Variants in GRXCR2 observed in about 807,000 individuals in gnomAD.
GRXCR2 encodes the protein glutaredoxin domain-containing cysteine-rich protein 2.
A neutral mutation model predicts 24.8 loss-of-function variants in GRXCR2; 23 were observed. That is an observed-to-expected ratio of 0.93 (90% CI 0.67 to 1.32). The LOEUF (loss-of-function observed/expected upper bound fraction) is 1.32, where lower values mean the gene tolerates loss of function less well. Among genes scored for constraint, GRXCR2 ranks in the 40% most tolerant of loss-of-function variants. The pLI, the probability that GRXCR2 is intolerant of heterozygous loss-of-function variation, is 0.00. For missense variants in GRXCR2, 315 were observed against 303.4 expected, an observed-to-expected ratio of 1.04 and a Z score of -0.28; for synonymous variants, 130 against 116.1, an observed-to-expected ratio of 1.12 and a Z score of -0.77.
chr5:145,881,791 A>C (rs1474505228), intron 2 of GRXCR2, among the ~76,000 whole-genome samples: 1 of 152,224 alleles, frequency 6.6e-6, no homozygotes, highest in Non-Finnish European at 1.5e-5. Context: ...TGCAGTAACC[A>C]AAACAGCATG....
At chr5:145,882,878 T>C (rs956700995) in intron 2 of GRXCR2, among the ~76,000 whole-genome samples, 1 of 152,020 alleles carries the variant, frequency 6.6e-6, no homozygotes, top group African/African-American at 2.4e-5. Context: ...TGCAGGGACA[T>C]GGATGAAGCT....
chr5:145,927,721 T>C (rs979373508), intron 2 of GRXCR2, among the ~76,000 whole-genome samples: 4 of 152,184 alleles, frequency 2.6e-5, no homozygotes, highest in Admixed American at 2.6e-4. Flanking sequence ...CAGGCTTTGG[T>C]ATCAGGATGA....
At chr5:145,903,292 A>T (rs116033274) in intron 2 of GRXCR2, among the ~76,000 whole-genome samples, 2,182 of 152,292 alleles carry the variant, frequency 0.014, 55 homozygotes, top group African/African-American at 0.05. Context: ...TCAAGATGTC[A>T]TATCCAAGTG....
chr5:145,875,578 A>G (rs1315642512), upstream of GRXCR2, among the ~76,000 whole-genome samples: 3 of 152,154 alleles, frequency 2.0e-5, no homozygotes, highest in African/African-American at 7.2e-5. Context: ...GTGAAGAGGT[A>G]GGATCAGAAG....
chr5:145,905,390 C>T (rs751208936), intron 2 of GRXCR2, among the ~76,000 whole-genome samples: 54 of 152,148 alleles, frequency 3.5e-4, no homozygotes, highest in Non-Finnish European at 6.5e-4. Context: ...AATAAACATA[C>T]CACAGTGACG....
chr5:145,880,750 C>T (rs1756688642), intron 2 of GRXCR2, among the ~76,000 whole-genome samples: 1 of 152,168 alleles, frequency 6.6e-6, no homozygotes, highest in Non-Finnish European at 1.5e-5. Context: ...AGACGAATAT[C>T]CCTGATGAAC....
chr5:145,896,358 G>A (rs1292770894), intron 2 of GRXCR2, among the ~76,000 whole-genome samples: 1 of 152,038 alleles, frequency 6.6e-6, no homozygotes, highest in Non-Finnish European at 1.5e-5. Context: ...CTACAGAATG[G>A]GAGAAAATTT....
In GRXCR2 at chr5:145,859,452, G is replaced by A. The variant is rs1756291874; in HGVS notation, c.*281C>T. On this transcript the variant is annotated 3_prime_UTR_variant, in exon 3 of 3. Transcript: ENST00000377976. ...CTCACTGAAGCAAGAAGAAAACTGA[G>A]CTAAGTCAAGTGAGATACACTCACA... 3 of 442,514 alleles carry A rather than the reference G, an allele frequency of 6.8e-6. No individual in the cohort carries two copies. The highest frequency in any genetic ancestry group is 4.1e-5 in the East Asian group (1 of 24,208). 27.4% of individuals were successfully genotyped at this position (442,514 alleles called of 1,614,324 possible). A position where few individuals can be genotyped will look rare whatever the true frequency, so the allele number is the denominator to read the frequency against.
chr5:145,867,233 G>A (rs1489886656), intron 1 of GRXCR2, among the ~76,000 whole-genome samples: 1 of 152,144 alleles, frequency 6.6e-6, no homozygotes, highest in African/African-American at 2.4e-5. Flanking sequence ...TGAGGCAGAT[G>A]CTATAGTTTC....
upstream of GRXCR2, among the ~76,000 whole-genome samples, chr5:145,873,845 G>C (rs1236550378): frequency 2.0e-5 from 3 of 152,224 alleles, no homozygotes; most frequent in Non-Finnish European, 4.4e-5. Flanking sequence ...CTAGTGGCTG[G>C]AGTGAATAGC....
At chr5:145,879,995 T>C (rs1363703080) in intron 2 of GRXCR2, among the ~76,000 whole-genome samples, 1 of 152,144 alleles carries the variant, frequency 6.6e-6, no homozygotes, top group African/African-American at 2.4e-5. Flanking sequence ...TTGAAATCAA[T>C]GAGAGCAAAG....
chr5:145,897,035 C>T (rs1398325644), intron 2 of GRXCR2, among the ~76,000 whole-genome samples: 2 of 148,668 alleles, frequency 1.3e-5, no homozygotes, highest in Non-Finnish European at 3.0e-5. Flanking sequence ...ATCGCAAGGA[C>T]AAAAAACCAA....
At chr5:145,863,508 C>G (rs1374160200) in intron 2 of GRXCR2, among the ~76,000 whole-genome samples, 1 of 152,122 alleles carries the variant, frequency 6.6e-6, no homozygotes, top group Non-Finnish European at 1.5e-5. Flanking sequence ...GCAGTATGAC[C>G]TGCCTTTTAT....
chr5:145,878,681 C>G (rs1756655189), intron 2 of GRXCR2, among the ~76,000 whole-genome samples: 1 of 152,100 alleles, frequency 6.6e-6, no homozygotes, highest in African/African-American at 2.4e-5. Context: ...CATTCAAATT[C>G]AGGAAATACA....
chr5:145,925,261 A>G (rs1757374429), intron 2 of GRXCR2, among the ~76,000 whole-genome samples: 3 of 152,360 alleles, frequency 2.0e-5, no homozygotes, highest in Non-Finnish European at 4.4e-5. Flanking sequence ...TAAGTTAGAA[A>G]TGATGCCAGA....
chr5:145,889,242 A>ATG (rs1561683212), intron 2 of GRXCR2, among the ~76,000 whole-genome samples: 22 of 150,832 alleles, frequency 1.5e-4, no homozygotes, highest in Non-Finnish European at 2.1e-4. Context: ...GAAAGAAAGA[A>ATG]AGAATTATGC....
intron 2 of GRXCR2, among the ~76,000 whole-genome samples, chr5:145,917,435 A>G (rs1213371662): frequency 6.6e-6 from 1 of 152,140 alleles, no homozygotes; most frequent in Non-Finnish European, 1.5e-5. Context: ...GACAAGGACC[A>G]TGATCCAAAA....
chr5:145,883,028 G>T (rs904345920), intron 2 of GRXCR2, among the ~76,000 whole-genome samples: 2 of 130,694 alleles, frequency 1.5e-5, no homozygotes, highest in East Asian at 2.8e-4. Flanking sequence ...GTTGTGGGGT[G>T]GGGGGAGGGG....
downstream of GRXCR2, among the ~76,000 whole-genome samples, chr5:145,858,142 C>T (rs1218968327): frequency 2.0e-5 from 3 of 151,932 alleles, no homozygotes; most frequent in South Asian, 2.1e-4. Context: ...GACGAAACCC[C>T]GTCTCTACTA....
Sources: gnomAD v4.1 joint callset for allele counts (sites outside exome capture counted in the v4.1 genomes callset) on GRCh38, gnomAD v4.1.1 for gene constraint, MANE v1.5 for transcripts, NCBI Gene and HGNC (gene_info 2026-07-23, HGNC 2026-07-21) for gene names.